CDKAL1: variants seen among roughly 807,000 people sequenced by gnomAD.
The protein encoded by CDKAL1 is CDKAL1 threonylcarbamoyladenosine tRNA methylthiotransferase.
Under a neutral mutation model 68.2 loss-of-function variants are expected in CDKAL1, and 32 were observed. The observed-to-expected ratio is 0.47, with a 90% CI of 0.35 to 0.63. The LOEUF is 0.63. Ranked by LOEUF, CDKAL1 falls within the 30% of genes least tolerant of loss-of-function variation. CDKAL1 has a pLI of 0.00. For synonymous variants in CDKAL1, 234 were observed against 244.3 expected (o/e 0.96, Z 0.39); for missense variants, 606 against 696.7 (o/e 0.87, Z 1.47).
chr6:21,220,334 ATAAC>A (rs1418435981), intron 15 of CDKAL1, among the ~76,000 whole-genome samples: 2 of 152,314 alleles, frequency 1.3e-5, no homozygotes, highest in Admixed American at 1.3e-4. Context: ...GACCCAGTAA[ATAAC>A]TAACTTGTGT....
intron 13 of CDKAL1, among the ~76,000 whole-genome samples, chr6:21,167,163 G>A (rs1468027629): frequency 1.3e-5 from 2 of 152,170 alleles, no homozygotes; most frequent in South Asian, 2.1e-4. Flanking sequence ...GTTAGTTTAT[G>A]GCATATCCTG....
intron 15 of CDKAL1, among the ~76,000 whole-genome samples, chr6:21,212,933 G>C (rs899693021): frequency 6.6e-6 from 1 of 152,106 alleles, no homozygotes; most frequent in Non-Finnish European, 1.5e-5. Context: ...AATTTAAGAT[G>C]TAGCACCTTG....
Position 20,857,856 on chromosome 6 carries a change from C to T in CDKAL1, c.742+11678C>T, listed in dbSNP as rs532943933. Among the ~76,000 whole-genome samples the T allele has an allele frequency of 3.9e-5, 6 of 152,188 alleles. No individual in the cohort carries two copies. In the East Asian group the frequency reaches 1.2e-3, roughly 29 times the overall value. ...CCCACACCAGACCTTTCTTCAGATT[C>T]TTTTTGGGGAATTTCTTTTTTGAGA... On this transcript the variant is annotated intron_variant, in intron 9 of 15. Coordinates refer to ENST00000274695, the MANE Select transcript of CDKAL1 (RefSeq NM_017774.3).
chr6:20,995,533 A>G (rs1045495179), intron 10 of CDKAL1, among the ~76,000 whole-genome samples: 1 of 152,246 alleles, frequency 6.6e-6, no homozygotes, highest in African/African-American at 2.4e-5. Context: ...TTAGATGACC[A>G]GGTGCATTGT....
chr6:20,798,301 A>G (rs1776200436), intron 8 of CDKAL1, among the ~76,000 whole-genome samples: 1 of 152,170 alleles, frequency 6.6e-6, no homozygotes, highest in South Asian at 2.1e-4. Context: ...TGATGGTTGC[A>G]CATACCAATA....
At chr6:21,101,201 C>T (rs1029699317) in intron 12 of CDKAL1, among the ~76,000 whole-genome samples, 3 of 152,064 alleles carry the variant, frequency 2.0e-5, no homozygotes, top group African/African-American at 7.2e-5. Flanking sequence ...AGTAGGGAAC[C>T]GATCCAGAAT....
intron 13 of CDKAL1, among the ~76,000 whole-genome samples, chr6:21,192,031 T>TTTTTTTTTTTC (rs1562104946): frequency 8.6e-6 from 1 of 116,102 alleles, no homozygotes; most frequent in Admixed American, 9.1e-5. Context: ...TTTTTTTTTT[T>TTTTTTTTTTTC]TGAGACGGAG....
chr6:21,003,371 T>TATATATACACACACACACACACACAC, intron 11 of CDKAL1, among the ~76,000 whole-genome samples: 7 of 49,298 alleles, frequency 1.4e-4, no homozygotes, highest in African/African-American at 3.3e-4. Flanking sequence ...TATATATATA[T>TATATATACACACACACACACACACAC]ACACACACAC....
intron 15 of CDKAL1, among the ~76,000 whole-genome samples, chr6:21,202,840 T>G (rs960201891): frequency 2.0e-5 from 3 of 152,114 alleles, no homozygotes; most frequent in Non-Finnish European, 2.9e-5. Flanking sequence ...TCCCATCCTT[T>G]CCTCTAGCCT....
chr6:21,152,087 G>A (rs1039715020), intron 13 of CDKAL1, among the ~76,000 whole-genome samples: 6 of 152,198 alleles, frequency 3.9e-5, no homozygotes, highest in Non-Finnish European at 4.4e-5. Flanking sequence ...CATCTGTGGC[G>A]TTTTTGCTCT....
intron 4 of CDKAL1, among the ~76,000 whole-genome samples, chr6:20,596,548 T>C (rs1765832878): frequency 6.6e-6 from 1 of 152,214 alleles, no homozygotes; most frequent in Non-Finnish European, 1.5e-5. Flanking sequence ...AACTTCAGAC[T>C]GCTGTGCTGG....
chr6:20,535,224 G>A (rs138174159), intron 1 of CDKAL1, 127 bp from the exon 2 acceptor site: 9 of 152,470 alleles, frequency 5.9e-5, no homozygotes, highest in Admixed American at 5.9e-4. Flanking sequence ...GTAGTATGGA[G>A]CATCATTAAT....
At chr6:20,674,136 CA>C (rs1441376495) in intron 5 of CDKAL1, among the ~76,000 whole-genome samples, 10 of 152,008 alleles carry the variant, frequency 6.6e-5, no homozygotes, top group Non-Finnish European at 1.2e-4. Flanking sequence ...TTTTATCATT[CA>C]TTTTTTTCTA....
At chr6:21,040,606 A>T (rs1769866470) in intron 11 of CDKAL1, among the ~76,000 whole-genome samples, 1 of 152,210 alleles carries the variant, frequency 6.6e-6, no homozygotes, top group Admixed American at 6.5e-5. Flanking sequence ...TAATTTAGGC[A>T]CATATCAATG....
chr6:20,902,808 G>A (rs1762065233), intron 9 of CDKAL1, among the ~76,000 whole-genome samples: 1 of 152,178 alleles, frequency 6.6e-6, no homozygotes, highest in African/African-American at 2.4e-5. Flanking sequence ...TATTGGTAAG[G>A]GGGGTGACGG....
intron 9 of CDKAL1, among the ~76,000 whole-genome samples, chr6:20,929,553 G>A (rs1008477137): frequency 2.0e-5 from 3 of 152,176 alleles, no homozygotes; most frequent in Admixed American, 6.5e-5. Context: ...TGTATTTGAC[G>A]TTACTGCCAG....
At chr6:20,804,698 A>C (rs532756520) in intron 8 of CDKAL1, among the ~76,000 whole-genome samples, 4 of 152,270 alleles carry the variant, frequency 2.6e-5, no homozygotes, top group Non-Finnish European at 5.9e-5. Flanking sequence ...TACAGGAAAG[A>C]GTCAATAGAG....
At chr6:20,892,060 C>T (rs759121474) in intron 9 of CDKAL1, among the ~76,000 whole-genome samples, 6 of 152,058 alleles carry the variant, frequency 3.9e-5, no homozygotes, top group Admixed American at 2.0e-4. Flanking sequence ...GTGTTTGCAC[C>T]GTCTCCCCTG....
chr6:20,706,496 A>G lies in CDKAL1; in HGVS notation c.372-33023A>G, dbSNP rs1017075161. The stretch of plus-strand genomic sequence containing the variant: ...TCCAGACTTTAATGGCACTGGACAC[A>G]CCTTTCTCCTCACTACCATTTTAGA... On this transcript the variant is annotated intron_variant, in intron 5 of 15. Coordinates refer to ENST00000274695, the MANE Select transcript of CDKAL1 (RefSeq NM_017774.3). Among the ~76,000 whole-genome samples, 4 of 152,144 alleles carry G rather than the reference A, an allele frequency of 2.6e-5. No individual in the cohort carries two copies. In the South Asian group the frequency reaches 8.3e-4, roughly 31 times the overall value.
Sources: allele counts gnomAD v4.1 joint callset (sites outside exome capture counted in the v4.1 genomes callset), GRCh38; gene constraint gnomAD v4.1.1; transcripts MANE v1.5; gene names NCBI Gene and HGNC (gene_info 2026-07-23, HGNC 2026-07-21).